RADX: variants seen among roughly 807,000 people sequenced by gnomAD.
RADX encodes RPA1 related single stranded DNA binding protein, X-linked, also known as RPA-related protein RADX.
A neutral mutation model predicts 61.6 loss-of-function variants in RADX; 36 were observed. The ratio of observed to expected loss-of-function variants is 0.58; its 90% CI spans 0.45 to 0.77. The LOEUF is 0.77. RADX is among the 30% of genes least tolerant of loss of function. RADX has a pLI of 0.00. For synonymous variants in RADX, 272 were observed against 237.9 expected (o/e 1.14, Z -1.32); for missense variants, 497 against 651.1 (o/e 0.76, Z 2.58).
rs1245205716 is a variant in RADX at position 106,669,360 on chromosome X, A to C, written c.2437+30A>C. The C allele has an allele frequency of 2.9e-6, 3 of 1,041,586 alleles. No homozygotes were observed. The African/African-American group carries it at 6.7e-5, about 23-fold the overall frequency. The allele number at this position is 1,041,586 out of a possible 1,213,427, so 85.8% of individuals were successfully genotyped here. On this transcript the variant is annotated intron_variant, in intron 13 of 13. Transcript: ENST00000372548. ...AACAATCTCAGTGTTCTTTTCACTC[A>C]GAAAAAAAAAAAATTATAAACAGCC...
intron 8 of RADX, 27 bp from the exon 9 acceptor site, chrX:106,639,500 T>G (rs1173105006): frequency 8.7e-7 from 1 of 1,144,082 alleles, no homozygotes; most frequent in Admixed American, 2.7e-5. Context: ...TCTTTAAAAC[T>G]TACAATTTTC....
chrX:106,630,161 A>T (rs868075990), intron 3 of RADX, among the ~76,000 whole-genome samples: 1 of 110,603 alleles, frequency 9.0e-6, no homozygotes, highest in Middle Eastern at 4.7e-3. Flanking sequence ...TGTCTCTACA[A>T]ATAAAAAGAA....
Position 106,612,146 on chromosome X carries a change from T to C in RADX, c.66T>C (p.Pro22=). Residue 22 remains proline (P), a synonymous_variant, in exon 1 of 14, where the codon CCT becomes CCC. Transcript: ENST00000372548. ...PSHAGLDWPN[P]ERNRAGVPGG... ...ATGCAGGGCTAGATTGGCCGAACCC[T>C]GAGAGGAATCGGGCTGGGGTCCCGG... The C allele has an allele frequency of 8.3e-7, 1 of 1,211,755 alleles. No individual in the cohort carries two copies. The highest frequency in any genetic ancestry group is 2.2e-5 in the Admixed American group (1 of 46,122).
At chrX:106,621,572 T>C (rs748938578) in intron 1 of RADX, among the ~76,000 whole-genome samples, 252 of 112,184 alleles carry the variant, frequency 2.2e-3, no homozygotes, top group African/African-American at 8.0e-3. Context: ...GATGAATAGC[T>C]TTTTAGCAGT....
At chrX:106,630,489 ATGT>A (rs2147618053) in intron 3 of RADX, among the ~76,000 whole-genome samples, 1 of 111,532 alleles carries the variant, frequency 9.0e-6, no homozygotes, top group South Asian at 3.8e-4. Context: ...TTTCTATTTA[ATGT>A]TGTACTGGCT....
chrX:106,633,995 T>A (rs185057830), intron 6 of RADX, among the ~76,000 whole-genome samples: 35 of 111,821 alleles, frequency 3.1e-4, no homozygotes, highest in African/African-American at 1.1e-3. Flanking sequence ...AGTTAGGGGA[T>A]GACATTTTAT....
In RADX at chrX:106,633,170, T is replaced by C; in HGVS notation, c.1221T>C (p.Ile407=). The change falls in exon 6 of 14, where the codon ATT becomes ATC. Residue 407 remains isoleucine, a synonymous_variant. Coordinates refer to ENST00000372548, the MANE Select transcript of RADX (RefSeq NM_018015.6). The part of the protein sequence containing the change: ...EDFWSYRWIH[I]ADGTSEQPFI... ...TTTGGTCATATCGCTGGATTCACAT[T>C]GCTGACGGTACTTCAGAACAACCAT... 8.3e-7 allele frequency: 1 copy of C among 1,202,064 alleles called. No homozygotes were observed.
At chrX:106,613,994 A>G (rs777982068) in intron 1 of RADX, among the ~76,000 whole-genome samples, 3 of 112,016 alleles carry the variant, frequency 2.7e-5, no homozygotes, top group Non-Finnish European at 5.6e-5. Flanking sequence ...ATAATACAAA[A>G]GGCAATGTCT....
At chrX:106,632,529 A>G (rs1267328343) in intron 3 of RADX, 96 bp from the exon 4 acceptor site, 2 of 472,415 alleles carry the variant, frequency 4.2e-6, no homozygotes, top group Non-Finnish European at 6.8e-6. Context: ...GTGGGTTCAA[A>G]ATGTTCAGTA....
intron 11 of RADX, among the ~76,000 whole-genome samples, chrX:106,655,191 A>T (rs1287811791): frequency 9.0e-6 from 1 of 111,522 alleles, no homozygotes. Context: ...ATTTAAAAAT[A>T]CTGTATTGCT....
chrX:106,632,299 A>G (rs1272287127), intron 3 of RADX, among the ~76,000 whole-genome samples: 1 of 112,101 alleles, frequency 8.9e-6, no homozygotes, highest in Non-Finnish European at 1.9e-5. Context: ...AAAAGTAGTC[A>G]TAAAATGCAG....
At position 106,612,061 on chromosome X, in the gene RADX, G is replaced by A. The variant is rs1161211913; in HGVS notation, c.-20G>A. Reference sequence around the variant, plus strand: ...GCAAACTAGCTTTTGGGAGTGAAGCGGGTACGCAGTTATCCAACAATGTCT... The same window carrying A: ...GCAAACTAGCTTTTGGGAGTGAAGCAGGTACGCAGTTATCCAACAATGTCT... On this transcript the variant is annotated 5_prime_UTR_variant, in exon 1 of 14. Transcript: ENST00000372548. 6 of 1,186,855 alleles carry A rather than the reference G, an allele frequency of 5.1e-6. No homozygotes were observed. The highest frequency in any genetic ancestry group is 4.7e-5 in the Admixed American group (2 of 42,858).
intron 1 of RADX, 138 bp from the exon 2 acceptor site, chrX:106,622,513 A>G: frequency 2.0e-6 from 1 of 490,790 alleles, no homozygotes. Flanking sequence ...GAGGTAATAG[A>G]CTTAGCTGGC....
intron 11 of RADX, among the ~76,000 whole-genome samples, chrX:106,650,248 C>G (rs928314457): frequency 9.0e-6 from 1 of 110,846 alleles, no homozygotes; most frequent in Non-Finnish European, 1.9e-5. Flanking sequence ...AGTATGGTTG[C>G]AGTTCACATG....
rs773941368 is a variant in RADX, at chrX:106,669,311, A to G, written c.2418A>G (p.Pro806=). The G allele has an allele frequency of 1.6e-5, 19 of 1,193,183 alleles. No individual in the cohort carries two copies. Among genetic ancestry groups the G allele is most frequent in the Non-Finnish European group, 2.1e-5 (19 of 886,105 alleles). The change falls in exon 13 of 14, where the codon CCA becomes CCG. Residue 806 remains proline (P), a synonymous_variant. Coordinates refer to ENST00000372548, the MANE Select transcript of RADX (RefSeq NM_018015.6). ...ACACAACTGGAAATGACCGATTGCC[A>G]GGTCCAAGAGCGGTTGCAGGTAAAA... is the stretch of plus-strand genomic sequence containing the variant. ...PQDTTGNDRL[P]GPRAVAGDII... is the part of the protein sequence containing the mutation.
intron 13 of RADX, among the ~76,000 whole-genome samples, chrX:106,676,605 G>A (rs201553047): frequency 2.7e-5 from 3 of 112,157 alleles, no homozygotes; most frequent in African/African-American, 6.5e-5. Flanking sequence ...ATTTTTATGC[G>A]TAGCCACTAA....
rs1927261924 is a variant in RADX, at chrX:106,632,659, T to A, written c.1014T>A (p.Asn338Lys). Residue 338 changes from asparagine (N) to lysine (K), a missense_variant, in exon 4 of 14, where the codon AAT becomes AAA. By Grantham distance (94) the Asn-to-Lys change is moderately conservative (BLOSUM62 0). Around this residue, in one of 3 missense-constraint regions of RADX, gnomAD observed 196 missense variants for 315.0 expected, o/e 0.62. Transcript: ENST00000372548. The stretch of plus-strand genomic sequence containing the variant: ...TGAATCTTCGAGATCCCCCAACAAA[T>A]ATAATTATCATTCCAGAAAAGCAGG... ...ICLNLRDPPT[N>K]IIIIPEKQVK... The A allele has an allele frequency of 8.3e-7, 1 of 1,200,685 alleles. No homozygotes were observed.
At chrX:106,638,483 C>T (rs1232828089) in intron 8 of RADX, 1 of 110,656 alleles carries the variant, frequency 9.0e-6, no homozygotes, top group Non-Finnish European at 1.9e-5. Flanking sequence ...GGGATGGTCT[C>T]GATCTCCTGA....
rs777621516 is a variant in RADX, at chrX:106,640,566, C to G, written c.1749C>G (p.Pro583=). ...ATTGGTTTTAGAATGCTAACAGACC[C>G]TCGACCTCTCAAGCAGCTAGAGTAG... ...ASETLRNANR[P]STSQAARVEI... is the part of the protein sequence containing the mutation. Residue 583 remains proline (P), a synonymous_variant, in exon 10 of 14, where the codon CCC becomes CCG. Coordinates refer to ENST00000372548, the MANE Select transcript of RADX (RefSeq NM_018015.6). The G allele has an allele frequency of 1.1e-4, 127 of 1,189,894 alleles. No individual in the cohort carries two copies. The highest frequency in any genetic ancestry group is 5.6e-6 in the Non-Finnish European group (5 of 885,363).
Sources: allele counts gnomAD v4.1 joint callset (sites outside exome capture counted in the v4.1 genomes callset), GRCh38; gene constraint gnomAD v4.1.1; regional missense constraint gnomAD v4.1.1; transcripts MANE v1.5; gene names NCBI Gene and HGNC (gene_info 2026-07-23, HGNC 2026-07-21).